MARCHF1: variants seen among roughly 807,000 people sequenced by gnomAD.
MARCHF1 encodes the protein E3 ubiquitin-protein ligase MARCHF1.
MARCHF1 carries 40 observed loss-of-function variants against 54.2 expected under a neutral mutation model. The ratio of observed to expected loss-of-function variants is 0.74; its 90% CI spans 0.57 to 0.96. MARCHF1 has a LOEUF of 0.96. Among genes scored for constraint, MARCHF1 ranks in the 40% least tolerant of loss-of-function variants. The probability of loss-of-function intolerance (pLI) is 0.00; values close to 1 mark genes in which losing one functional copy is unlikely to be tolerated. For synonymous variants in MARCHF1, 236 were observed against 236.3 expected (o/e 1.00, Z 0.01); for missense variants, 586 against 656.5 (o/e 0.89, Z 1.17).
chr4:164,005,593 T>C (rs1294263906), intron 2 of MARCHF1, among the ~76,000 whole-genome samples: 3 of 152,152 alleles, frequency 2.0e-5, no homozygotes, highest in African/African-American at 7.2e-5. Context: ...TTCTGTGCCA[T>C]CGTGGGTGCC....
chr4:163,560,475 A>AT (rs1248674198), intron 8 of MARCHF1, among the ~76,000 whole-genome samples: 1 of 152,012 alleles, frequency 6.6e-6, no homozygotes, highest in African/African-American at 2.4e-5. Flanking sequence ...CAATTTTGTC[A>AT]TTTTTCAAAG....
At position 163,994,028 on chromosome 4, in the gene MARCHF1, A is replaced by G. The variant is rs182275815; in HGVS notation, c.-247-5319T>C. Among the ~76,000 whole-genome samples, 7 of 152,280 alleles carry G rather than the reference A, an allele frequency of 4.6e-5. No individual in the cohort carries two copies. In the East Asian group the frequency reaches 9.7e-4, roughly 21 times the overall value. ...TAAATGTACAAGCTAATCTTTGTTA[A>G]TGTTCTCTGTAGCTTTCAAAATATT... On this transcript the variant is annotated intron_variant, in intron 2 of 9. Coordinates refer to ENST00000514618, the MANE Select transcript of MARCHF1 (RefSeq NM_001394959.1).
At chr4:164,263,607 A>G (rs955798136) in intron 1 of MARCHF1, among the ~76,000 whole-genome samples, 6 of 140,034 alleles carry the variant, frequency 4.3e-5, no homozygotes, top group Admixed American at 4.1e-4. Context: ...GAGGCAGCTC[A>G]ACTTAATAAT....
chr4:163,933,113 C>T (rs1054030900), intron 3 of MARCHF1: 8 of 1,141,654 alleles, frequency 7.0e-6, no homozygotes, highest in Non-Finnish European at 1.0e-5. Flanking sequence ...TTGATGAGGC[C>T]ATTGCAGAAC....
intron 5 of MARCHF1, among the ~76,000 whole-genome samples, chr4:163,656,306 A>C (rs1311471112): frequency 2.0e-5 from 3 of 152,094 alleles, no homozygotes; most frequent in African/African-American, 7.2e-5. Context: ...GAAAATCTAG[A>C]AGAAATAAAT....
chr4:163,997,772 G>A (rs1753105601), intron 2 of MARCHF1, among the ~76,000 whole-genome samples: 1 of 151,640 alleles, frequency 6.6e-6, no homozygotes, highest in Non-Finnish European at 1.5e-5. Context: ...TGAAGAAAAA[G>A]GTAAAGGAGA....
intron 5 of MARCHF1, among the ~76,000 whole-genome samples, chr4:163,699,386 C>T (rs907045476): frequency 6.6e-6 from 1 of 152,206 alleles, no homozygotes; most frequent in Non-Finnish European, 1.5e-5. Context: ...CTCCTATAAA[C>T]ATCCCAGTGT....
intron 2 of MARCHF1, among the ~76,000 whole-genome samples, chr4:164,098,340 G>T (rs1755460301): frequency 6.6e-6 from 1 of 152,112 alleles, no homozygotes; most frequent in Non-Finnish European, 1.5e-5. Flanking sequence ...AATGGTTCCA[G>T]GACAGGTATG....
chr4:163,873,539 G>A (rs992761243), intron 3 of MARCHF1, among the ~76,000 whole-genome samples: 2 of 152,132 alleles, frequency 1.3e-5, no homozygotes, highest in African/African-American at 4.8e-5. Flanking sequence ...AGATGCAGCC[G>A]CTCAGACAGC....
At chr4:163,756,498 T>A (rs1265727167) in intron 4 of MARCHF1, among the ~76,000 whole-genome samples, 1 of 150,928 alleles carries the variant, frequency 6.6e-6, no homozygotes, top group Non-Finnish European at 1.5e-5. Flanking sequence ...CTGGGCGTGG[T>A]GGCACGTGCC....
At chr4:164,033,050 G>A (rs888561264) in intron 2 of MARCHF1, among the ~76,000 whole-genome samples, 5 of 152,054 alleles carry the variant, frequency 3.3e-5, no homozygotes, top group Middle Eastern at 3.4e-3. Context: ...AACAAGCAAT[G>A]GGGAAAGAAT....
At chr4:164,295,405 G>C (rs559060299) in intron 1 of MARCHF1, among the ~76,000 whole-genome samples, 1 of 151,022 alleles carries the variant, frequency 6.6e-6, no homozygotes, top group East Asian at 2.0e-4. Flanking sequence ...TACATTTTGG[G>C]GTGATGTGTT....
At chr4:164,100,334 G>A (rs757179278) in intron 2 of MARCHF1, among the ~76,000 whole-genome samples, 9 of 152,274 alleles carry the variant, frequency 5.9e-5, no homozygotes, top group African/African-American at 1.9e-4. Context: ...TGCTTTTGAC[G>A]GTATGTGGTA....
intron 1 of MARCHF1, among the ~76,000 whole-genome samples, chr4:164,282,340 T>C (rs1338053035): frequency 6.6e-6 from 1 of 150,936 alleles, no homozygotes; most frequent in Non-Finnish European, 1.5e-5. Context: ...CTCAAAACTT[T>C]CAACTTTATC....
chr4:163,826,999 C>T (rs1023904260), intron 4 of MARCHF1, among the ~76,000 whole-genome samples: 3 of 151,710 alleles, frequency 2.0e-5, no homozygotes, highest in South Asian at 2.1e-4. Context: ...TTTATCTCTG[C>T]GCAATTAACG....
intron 9 of MARCHF1, among the ~76,000 whole-genome samples, chr4:163,543,793 T>C (rs906420577): frequency 6.6e-6 from 1 of 152,212 alleles, no homozygotes; most frequent in African/African-American, 2.4e-5. Context: ...GGTCTATGTA[T>C]ACATGACGTG....
chr4:164,180,786 C>T (rs757003692), intron 1 of MARCHF1, among the ~76,000 whole-genome samples: 2 of 152,092 alleles, frequency 1.3e-5, no homozygotes, highest in Non-Finnish European at 2.9e-5. Context: ...ACAATTTAGA[C>T]CAATGTAGAA....
intron 5 of MARCHF1, among the ~76,000 whole-genome samples, chr4:163,623,387 T>A (rs1741753705): frequency 6.6e-6 from 1 of 152,202 alleles, no homozygotes; most frequent in Admixed American, 6.5e-5. Context: ...CCACTTCTCA[T>A]ATCAGCTGTA....
intron 1 of MARCHF1, among the ~76,000 whole-genome samples, chr4:164,356,921 AGAG>A (rs1730569695): frequency 6.6e-6 from 1 of 151,962 alleles, no homozygotes; most frequent in South Asian, 2.1e-4. Context: ...ATGGACACAT[AGAG>A]GAGAACAACA....
Sources: allele counts gnomAD v4.1 joint callset (sites outside exome capture counted in the v4.1 genomes callset), GRCh38; gene constraint gnomAD v4.1.1; transcripts MANE v1.5; gene names NCBI Gene and HGNC (gene_info 2026-07-23, HGNC 2026-07-21).